Variants in PTGER3 observed in about 807,000 individuals in gnomAD.
The protein encoded by PTGER3 is prostaglandin E2 receptor EP3 subtype.
In PTGER3, 22 loss-of-function variants were observed where a neutral mutation model predicts 34.7. The observed-to-expected ratio is 0.63, with a 90% CI of 0.45 to 0.91. The LOEUF is 0.91. Ranked by LOEUF, PTGER3 falls within the 40% of genes least tolerant of loss-of-function variation. The probability of loss-of-function intolerance (pLI) is 0.00; values close to 1 mark genes in which losing one functional copy is unlikely to be tolerated. For missense variants in PTGER3, 468 were observed against 519.4 expected, an observed-to-expected ratio of 0.90 and a Z score of 0.96; for synonymous variants, 241 against 230.1, an observed-to-expected ratio of 1.05 and a Z score of -0.43.
intron 4 of PTGER3, among the ~76,000 whole-genome samples, chr1:70,878,874 A>T (rs1646327493): frequency 6.6e-6 from 1 of 152,058 alleles, no homozygotes; most frequent in Non-Finnish European, 1.5e-5. Flanking sequence ...GTTTGCTGAG[A>T]ATTGCTTTAT....
At chr1:70,916,630 A>G (rs947571434) in intron 4 of PTGER3, among the ~76,000 whole-genome samples, 3 of 152,044 alleles carry the variant, frequency 2.0e-5, no homozygotes, top group African/African-American at 7.2e-5. Flanking sequence ...TAACACAGGA[A>G]CAGAAAACCA....
chr1:70,920,274 C>T (rs1647398470), intron 4 of PTGER3, among the ~76,000 whole-genome samples: 1 of 152,188 alleles, frequency 6.6e-6, no homozygotes, highest in Non-Finnish European at 1.5e-5. Context: ...AGACTAAGCT[C>T]ATCTTTCATG....
chr1:71,019,336 G>T (rs538241025), intron 1 of PTGER3, among the ~76,000 whole-genome samples: 40 of 152,160 alleles, frequency 2.6e-4, no homozygotes, highest in Non-Finnish European at 4.6e-4. Context: ...TATAACAAAT[G>T]ATCTGGTCAA....
At chr1:70,917,497 T>A (rs1382801090) in intron 4 of PTGER3, among the ~76,000 whole-genome samples, 1 of 151,382 alleles carries the variant, frequency 6.6e-6, no homozygotes, top group East Asian at 1.9e-4. Context: ...TTGGCTATTG[T>A]GAATAGCACT....
intron 2 of PTGER3, among the ~76,000 whole-genome samples, chr1:70,963,138 A>T (rs905535710): frequency 6.6e-6 from 1 of 152,210 alleles, no homozygotes; most frequent in Non-Finnish European, 1.5e-5. Context: ...TCTCACATCC[A>T]GGTCACGCCA....
chr1:70,917,400 A>G (rs985995135), intron 4 of PTGER3, among the ~76,000 whole-genome samples: 4 of 85,158 alleles, frequency 4.7e-5, no homozygotes, highest in African/African-American at 1.6e-4. Flanking sequence ...ATAGTATTTT[A>G]TTTTGTGTGT....
chr1:70,883,706 C>T (rs868814291), intron 4 of PTGER3, among the ~76,000 whole-genome samples: 1 of 152,156 alleles, frequency 6.6e-6, no homozygotes, highest in Non-Finnish European at 1.5e-5. Flanking sequence ...TAAATAAAAA[C>T]ATTTTAGAGT....
chr1:71,046,092 GACCACGGTGAA>G (rs1660760804), intron 1 of PTGER3, among the ~76,000 whole-genome samples: 1 of 150,976 alleles, frequency 6.6e-6, no homozygotes, highest in Non-Finnish European at 1.5e-5. Context: ...AGGAGATCGA[GACCACGGTGAA>G]ACCCCGTCTC....
At chr1:71,007,707 C>G in intron 2 of PTGER3, 8 of 985,210 alleles carry the variant, frequency 8.1e-6, no homozygotes, top group Non-Finnish European at 9.6e-6. Context: ...TTGATTTCTA[C>G]AGACATGGAA....
At chr1:70,949,476 G>A (rs1376149941), downstream of PTGER3, among the ~76,000 whole-genome samples, 2 of 152,170 alleles carry the variant, frequency 1.3e-5, no homozygotes, top group East Asian at 1.9e-4. Flanking sequence ...GTCAAGGAAT[G>A]TAAAATAGTT....
chr1:71,015,851 T>C (rs1456584651), intron 1 of PTGER3, among the ~76,000 whole-genome samples: 2 of 152,248 alleles, frequency 1.3e-5, no homozygotes, highest in Non-Finnish European at 2.9e-5. Context: ...AGTCACAGTT[T>C]TTATTCTTAA....
At chr1:70,931,444 C>T (rs1315839788) in intron 4 of PTGER3, among the ~76,000 whole-genome samples, 1 of 152,238 alleles carries the variant, frequency 6.6e-6, no homozygotes, top group Non-Finnish European at 1.5e-5. Context: ...GCTCAGACTC[C>T]ACATTTCACT....
chr1:70,974,265 T>C (rs1331315986), intron 3 of PTGER3, 32 bp downstream of exon 3: 1 of 1,611,388 alleles, frequency 6.2e-7, no homozygotes, highest in Non-Finnish European at 8.5e-7. Context: ...GGGAAGGCTA[T>C]GCTATAAATC....
chr1:70,859,801 T>C (rs1480958997), intron 4 of PTGER3, among the ~76,000 whole-genome samples: 1 of 152,188 alleles, frequency 6.6e-6, no homozygotes, highest in African/African-American at 2.4e-5. Context: ...GCCTTATCCA[T>C]GTTGAGGAAG....
At chr1:70,894,189 A>T (rs1030601729) in intron 4 of PTGER3, among the ~76,000 whole-genome samples, 1 of 151,538 alleles carries the variant, frequency 6.6e-6, no homozygotes, top group Non-Finnish European at 1.5e-5. Flanking sequence ...GGCACCTGTA[A>T]TCCCAGCTAC....
At chr1:71,028,016 T>C (rs1310732671) in intron 1 of PTGER3, among the ~76,000 whole-genome samples, 6 of 152,158 alleles carry the variant, frequency 3.9e-5, no homozygotes, top group Non-Finnish European at 7.4e-5. Context: ...TTTTCCACCT[T>C]TATTCTGTCA....
chr1:71,015,634 C>G (rs1486487363), intron 1 of PTGER3, among the ~76,000 whole-genome samples: 1 of 152,102 alleles, frequency 6.6e-6, no homozygotes, highest in Non-Finnish European at 1.5e-5. Flanking sequence ...GATAAGTCAA[C>G]AGGAAAAGAG....
chr1:71,000,459 C>T (rs1656374737), intron 2 of PTGER3, among the ~76,000 whole-genome samples: 2 of 152,302 alleles, frequency 1.3e-5, no homozygotes, highest in South Asian at 4.1e-4. Flanking sequence ...TCATGTGTCC[C>T]TGAAAGCATT....
At chr1:70,878,847 T>C (rs1452056291) in intron 4 of PTGER3, among the ~76,000 whole-genome samples, 2 of 152,172 alleles carry the variant, frequency 1.3e-5, no homozygotes, top group African/African-American at 4.8e-5. Flanking sequence ...GTTGGTATGA[T>C]TTCTGTTTGT....
Sources: gnomAD v4.1 joint callset for allele counts (sites outside exome capture counted in the v4.1 genomes callset) on GRCh38, gnomAD v4.1.1 for gene constraint, MANE v1.5 for transcripts, NCBI Gene and HGNC (gene_info 2026-07-23, HGNC 2026-07-21) for gene names.